LRRC37A2: variants seen among roughly 807,000 people sequenced by gnomAD.
LRRC37A2 encodes leucine rich repeat containing 37 member A2.
In LRRC37A2, 9 loss-of-function variants were observed where a neutral mutation model predicts 68.8. The ratio of observed to expected loss-of-function variants is 0.13; its 90% CI spans 0.08 to 0.23. The LOEUF is 0.23. Ranked by LOEUF, LRRC37A2 falls within the 10% of genes least tolerant of loss-of-function variation. The probability of loss-of-function intolerance (pLI) is 1.00; values close to 1 mark genes in which losing one functional copy is unlikely to be tolerated. For missense variants in LRRC37A2, 168 were observed against 950.4 expected, an observed-to-expected ratio of 0.18 and a Z score of 10.82; for synonymous variants, 63 against 367.6, an observed-to-expected ratio of 0.17 and a Z score of 9.48.
the LRRC37A2 span, among the ~76,000 whole-genome samples, chr17:46,720,980 C>T: frequency 6.6e-6 from 1 of 151,758 alleles, no homozygotes; most frequent in Non-Finnish European, 1.5e-5. Context: ...TAGCTGCTGC[C>T]CCTGTCCCAC....
chr17:46,923,018 T>G, the LRRC37A2 span: 1 of 639,538 alleles, frequency 1.6e-6, no homozygotes, highest in South Asian at 1.8e-5. Context: ...CCGGCCTCAT[T>G]TCTCCTTCCC....
At chr17:46,767,701 A>G in the LRRC37A2 span, among the ~76,000 whole-genome samples, 1 of 152,220 alleles carries the variant, frequency 6.6e-6, no homozygotes, top group East Asian at 1.9e-4. Flanking sequence ...CAAAAATTTG[A>G]TCTGGCTCAT....
the LRRC37A2 span, among the ~76,000 whole-genome samples, chr17:46,786,474 T>G: frequency 6.6e-6 from 1 of 152,186 alleles, no homozygotes; most frequent in Non-Finnish European, 1.5e-5. Flanking sequence ...GGCAGGGACC[T>G]CACTCTTCAG....
the LRRC37A2 span, among the ~76,000 whole-genome samples, chr17:46,605,448 C>T: frequency 8.5e-6 from 1 of 118,062 alleles, no homozygotes; most frequent in African/African-American, 3.2e-5. Context: ...AACTCCATCT[C>T]AAAAAAAAAA....
At chr17:46,946,297 AAAAAAG>A in the LRRC37A2 span, among the ~76,000 whole-genome samples, 2 of 147,924 alleles carry the variant, frequency 1.4e-5, no homozygotes, top group African/African-American at 4.9e-5. Flanking sequence ...AAAAAAAAAA[AAAAAAG>A]AAAAGAAAAA....
At chr17:46,872,532 A>G in the LRRC37A2 span, 5 of 1,546,926 alleles carry the variant, frequency 3.2e-6, no homozygotes, top group African/African-American at 1.4e-5. Context: ...CCGGGCGGGA[A>G]GTCCTGACGC....
At chr17:46,490,399 A>C in the LRRC37A2 span, among the ~76,000 whole-genome samples, 1 of 151,180 alleles carries the variant, frequency 6.6e-6, no homozygotes, top group Non-Finnish European at 1.5e-5. Flanking sequence ...TTTGACTTTC[A>C]TAAATAATGC....
At chr17:46,966,142 T>C in the LRRC37A2 span, among the ~76,000 whole-genome samples, 23,250 of 152,210 alleles carry the variant, frequency 0.15, 2,184 homozygotes, top group East Asian at 0.26. Context: ...TAGTACTATT[T>C]CGTGATTGAG....
chr17:46,929,868 C>T, the LRRC37A2 span: 2 of 374,944 alleles, frequency 5.3e-6, no homozygotes, highest in Non-Finnish European at 1.0e-5. Flanking sequence ...ATTACCTAGT[C>T]CTTAGAGGAA....
chr17:46,851,658 T>C, the LRRC37A2 span: 2 of 1,288,530 alleles, frequency 1.6e-6, no homozygotes, highest in African/African-American at 1.6e-5. The surrounding 1 kb of genome is among the most constrained non-coding windows in gnomAD (Gnocchi z 4.3). Context: ...CCGCCCGCGC[T>C]GGCCCTGGCC....
the LRRC37A2 span, among the ~76,000 whole-genome samples, chr17:46,903,275 C>G: frequency 2.0e-5 from 2 of 98,306 alleles, no homozygotes; most frequent in Non-Finnish European, 4.3e-5. Flanking sequence ...GAGTGTGACT[C>G]TGTCTCAAAA....
chr17:46,894,967 G>A, the LRRC37A2 span, among the ~76,000 whole-genome samples: 48,195 of 152,118 alleles, frequency 0.32, 7,911 homozygotes, highest in African/African-American at 0.37. Context: ...TGCTCGGGAC[G>A]GGACGTGCTC....
At chr17:47,017,695 G>A in the LRRC37A2 span, 28 of 1,610,868 alleles carry the variant, frequency 1.7e-5, no homozygotes, top group South Asian at 8.8e-5. Context: ...GGAATTATAC[G>A]CCAATTATCC....
intron 11 of LRRC37A2, among the ~76,000 whole-genome samples, chr17:46,551,422 G>A (rs1388538877): frequency 6.7e-6 from 1 of 149,806 alleles, no homozygotes; most frequent in Admixed American, 6.6e-5. Context: ...TATTGTGGCA[G>A]CCCTCCATTC....
chr17:46,956,286 T>G, the LRRC37A2 span, among the ~76,000 whole-genome samples: 2 of 133,288 alleles, frequency 1.5e-5, no homozygotes, highest in South Asian at 2.7e-4. Context: ...CCTTTTTTTT[T>G]TTTTTTTTTT....
At chr17:47,041,452 CTTTTTTTT>C in the LRRC37A2 span, among the ~76,000 whole-genome samples, 4 of 36,470 alleles carry the variant, frequency 1.1e-4, no homozygotes, top group South Asian at 1.5e-3. Flanking sequence ...TTGGATGTCT[CTTTTTTTT>C]TTTTTTTTTT....
chr17:46,936,397 C>T, the LRRC37A2 span: 1 of 985,358 alleles, frequency 1.0e-6, no homozygotes, highest in South Asian at 4.7e-5. Context: ...ACACCTCTTG[C>T]CACCCACACT....
the LRRC37A2 span, among the ~76,000 whole-genome samples, chr17:46,814,209 A>G: frequency 4.6e-5 from 7 of 152,114 alleles, no homozygotes; most frequent in Non-Finnish European, 1.0e-4. Context: ...CTGTTGACAA[A>G]ATGCTCTGAG....
the LRRC37A2 span, among the ~76,000 whole-genome samples, chr17:47,004,777 G>A: frequency 1.3e-5 from 2 of 152,112 alleles, no homozygotes; most frequent in Non-Finnish European, 1.5e-5. Context: ...GAATCCTCTC[G>A]CCTCAACCTC....
Sources: allele counts gnomAD v4.1 joint callset (sites outside exome capture counted in the v4.1 genomes callset), GRCh38; gene constraint gnomAD v4.1.1; non-coding constraint Gnocchi (gnomAD v3.1); transcripts MANE v1.5; gene names NCBI Gene and HGNC (gene_info 2026-07-23, HGNC 2026-07-21).